COG5: variants seen among roughly 807,000 people sequenced by gnomAD.
COG5 encodes conserved oligomeric Golgi complex subunit 5.
A neutral mutation model predicts 110.4 loss-of-function variants in COG5; 86 were observed. The ratio of observed to expected loss-of-function variants is 0.78; its 90% CI spans 0.65 to 0.93. COG5 has a LOEUF of 0.93. Ranked by LOEUF, COG5 falls within the 40% of genes least tolerant of loss-of-function variation. COG5 has a pLI of 0.00. For missense variants in COG5, 1,077 were observed against 987.0 expected, an observed-to-expected ratio of 1.09 and a Z score of -1.22; for synonymous variants, 360 against 334.6, an observed-to-expected ratio of 1.08 and a Z score of -0.83.
At chr7:107,302,717 A>G (rs1807378852) in intron 11 of COG5, among the ~76,000 whole-genome samples, 1 of 152,188 alleles carries the variant, frequency 6.6e-6, no homozygotes, top group Non-Finnish European at 1.5e-5. Context: ...CTTGAGAGAT[A>G]TGGTAACATC....
intron 6 of COG5, among the ~76,000 whole-genome samples, chr7:107,493,848 A>T (rs1798110941): frequency 6.6e-6 from 1 of 152,308 alleles, no homozygotes; most frequent in Admixed American, 6.5e-5. Flanking sequence ...AAGAAAGAAC[A>T]ACTTCTATTG....
intron 9 of COG5, 79 bp downstream of exon 9, chr7:107,362,229 A>C (rs1813181883): frequency 2.9e-6 from 4 of 1,399,790 alleles, no homozygotes. Flanking sequence ...TGATTAAAAA[A>C]CCTGCCCAAG....
At chr7:107,485,913 GGAAAT>G (rs1479918174) in intron 6 of COG5, among the ~76,000 whole-genome samples, 10 of 152,230 alleles carry the variant, frequency 6.6e-5, no homozygotes, top group Admixed American at 2.0e-4. Context: ...AAATGGCACT[GGAAAT>G]GAACTCCGAA....
intron 6 of COG5, chr7:107,450,116 TG>T (rs1414597999): frequency 6.6e-6 from 1 of 152,560 alleles, no homozygotes; most frequent in African/African-American, 2.4e-5. Context: ...TTGAAATCAC[TG>T]GTAAATATGG....
chr7:107,402,934 T>C (rs1791545544), intron 7 of COG5, among the ~76,000 whole-genome samples: 1 of 152,214 alleles, frequency 6.6e-6, no homozygotes. Flanking sequence ...TTTATGTATT[T>C]TTCGTGTAGA....
chr7:107,260,075 GATAT>G (rs143875588), intron 14 of COG5, among the ~76,000 whole-genome samples: 105 of 131,454 alleles, frequency 8.0e-4, no homozygotes, highest in Non-Finnish European at 1.6e-3. Context: ...AACTCCTAGT[GATAT>G]ATATATATAT....
At chr7:107,419,046 A>G (rs1308761924) in intron 6 of COG5, among the ~76,000 whole-genome samples, 8 of 152,230 alleles carry the variant, frequency 5.3e-5, no homozygotes, top group Non-Finnish European at 1.0e-4. Flanking sequence ...TACTTTAATC[A>G]TATTTAAGTA....
chr7:107,354,795 G>A (rs1350418532), intron 10 of COG5, among the ~76,000 whole-genome samples: 1 of 152,112 alleles, frequency 6.6e-6, no homozygotes, highest in Non-Finnish European at 1.5e-5. Context: ...TCAGTTCTGT[G>A]GGCACTATTA....
chr7:107,401,390 T>C (rs947756943), intron 7 of COG5, among the ~76,000 whole-genome samples: 7 of 152,140 alleles, frequency 4.6e-5, no homozygotes, highest in African/African-American at 9.7e-5. Flanking sequence ...TAAAAAGAAA[T>C]TGCCGAAGAG....
intron 5 of COG5, among the ~76,000 whole-genome samples, chr7:107,528,616 T>C (rs74825704): frequency 0.034 from 5,140 of 152,202 alleles, 124 homozygotes; most frequent in Non-Finnish European, 0.051. Context: ...ATAACCAACA[T>C]GTAGTGATCT....
chr7:107,215,222 C>T (rs985058662), intron 19 of COG5, among the ~76,000 whole-genome samples: 1 of 152,014 alleles, frequency 6.6e-6, no homozygotes, highest in African/African-American at 2.4e-5. Context: ...CAAAGGAGGA[C>T]AGCAAGAGAG....
At chr7:107,294,919 G>A (rs1266817537) in intron 12 of COG5, among the ~76,000 whole-genome samples, 2 of 69,898 alleles carry the variant, frequency 2.9e-5, no homozygotes, top group African/African-American at 1.2e-4. Context: ...GTGTGTGTGT[G>A]TGTGTATATA....
chr7:107,489,441 T>C (rs1797854391), intron 6 of COG5, among the ~76,000 whole-genome samples: 1 of 152,148 alleles, frequency 6.6e-6, no homozygotes, highest in African/African-American at 2.4e-5. Flanking sequence ...TGACAAACAA[T>C]ACTGTTATAA....
At chr7:107,452,344 A>G (rs1382107983) in intron 6 of COG5, among the ~76,000 whole-genome samples, 4 of 152,148 alleles carry the variant, frequency 2.6e-5, no homozygotes, top group Non-Finnish European at 5.9e-5. Flanking sequence ...GGATGGCCAT[A>G]TAATATTTGG....
At chr7:107,513,598 C>G (rs538678990) in intron 6 of COG5, among the ~76,000 whole-genome samples, 1 of 152,150 alleles carries the variant, frequency 6.6e-6, no homozygotes, top group Admixed American at 6.5e-5. Flanking sequence ...CACATGCACA[C>G]GTATGTTTAC....
intron 5 of COG5, among the ~76,000 whole-genome samples, chr7:107,536,400 C>T (rs1801586581): frequency 6.6e-6 from 1 of 152,194 alleles, no homozygotes; most frequent in Admixed American, 6.5e-5. Flanking sequence ...ACTCCTTAAG[C>T]TGATAAGCAA....
At chr7:107,529,660 G>C (rs1801037537) in intron 5 of COG5, among the ~76,000 whole-genome samples, 1 of 152,194 alleles carries the variant, frequency 6.6e-6, no homozygotes, top group Admixed American at 6.5e-5. Context: ...AAAGTCCTCG[G>C]ATCAAGGTTA....
chr7:107,204,809 C>G (rs969014366), intron 21 of COG5, among the ~76,000 whole-genome samples: 6 of 152,150 alleles, frequency 3.9e-5, no homozygotes, highest in African/African-American at 1.4e-4. Flanking sequence ...CCCTCCTGAT[C>G]TCTGCTTCTT....
At position 107,258,302 on chromosome 7, in the gene COG5, A is replaced by G. The variant is rs1016865948; in HGVS notation, c.1657T>C (p.Leu553=). The change falls in exon 15 of 22, where the codon TTG becomes CTG. Residue 553 remains leucine, a synonymous_variant. Coordinates refer to ENST00000297135, the MANE Select transcript of COG5 (RefSeq NM_006348.5). ...QRRNVAVVNS[L]YKLHQSVTKV... ...GTTACTGATTGGTGCAACTTATACA[A>G]TGAATTCACTACTGCCACATTTCTT... 13 of 1,611,352 alleles carry G rather than the reference A, an allele frequency of 8.1e-6. No individual in the cohort carries two copies. The highest frequency in any genetic ancestry group is 2.2e-5 in the East Asian group (1 of 44,874).
Sources: allele counts gnomAD v4.1 joint callset (sites outside exome capture counted in the v4.1 genomes callset), GRCh38; gene constraint gnomAD v4.1.1; transcripts MANE v1.5; gene names NCBI Gene and HGNC (gene_info 2026-07-23, HGNC 2026-07-21).